The following CCT4 variants were observed in gnomAD, a reference collection of about 807,000 sequenced individuals.
The protein encoded by CCT4 is T-complex protein 1 subunit delta.
A neutral mutation model predicts 62.5 loss-of-function variants in CCT4; 17 were observed. That is an observed-to-expected ratio of 0.27 (90% CI 0.19 to 0.41). The LOEUF is 0.41. CCT4 is among the 10% of genes least tolerant of loss of function. The probability of loss-of-function intolerance (pLI) is 1.00; values close to 1 mark genes in which losing one functional copy is unlikely to be tolerated. For missense variants in CCT4, 592 were observed against 659.2 expected (o/e 0.90, Z 1.12); for synonymous variants, 250 against 229.9 (o/e 1.09, Z -0.79).
chr2:61,879,277 T>TTTTTC (rs397792406), intron 4 of CCT4, among the ~76,000 whole-genome samples: 1 of 144,882 alleles, frequency 6.9e-6, no homozygotes, highest in African/African-American at 2.7e-5. Flanking sequence ...TTTTTTTTTT[T>TTTTTC]CTGAGACAGG....
Position 61,888,566 on chromosome 2 carries a change from C to T in CCT4, c.-59G>A, listed in dbSNP as rs1047994051. 7.6e-6 allele frequency: 12 copies of T among 1,577,702 alleles called. No homozygotes were observed. Among genetic ancestry groups the T allele is most frequent in the African/African-American group, 2.7e-5 (2 of 74,192 alleles). On this transcript the variant is annotated 5_prime_UTR_variant, in exon 1 of 14. Coordinates refer to ENST00000394440, the MANE Select transcript of CCT4 (RefSeq NM_006430.4). ...AGGACGGATGGACCCGGATTCTGGCCGGCCGCAGTGTAATAACGGTAAGCC... is the reference window on the plus strand; with the variant it reads ...AGGACGGATGGACCCGGATTCTGGCTGGCCGCAGTGTAATAACGGTAAGCC...
At chr2:61,870,979 GA>G (rs70946766) in intron 12 of CCT4, among the ~76,000 whole-genome samples, 145,523 of 148,800 alleles carry the variant, frequency 0.98, 71,168 homozygotes, top group East Asian at 1. Flanking sequence ...CTACGGGAAG[GA>G]AAAAAAAAAT....
At chr2:61,888,206 T>C in intron 1 of CCT4, 175 bp downstream of exon 1, 1 of 744,426 alleles carries the variant, frequency 1.3e-6, no homozygotes, top group Non-Finnish European at 2.1e-6. Context: ...TACTCCGGGT[T>C]GGCGATCATC....
intron 5 of CCT4, 73 bp downstream of exon 5, chr2:61,878,796 C>G: frequency 1.0e-6 from 1 of 978,594 alleles, no homozygotes; most frequent in Non-Finnish European, 1.5e-6. Flanking sequence ...ATTTATGTAC[C>G]GTATAGCATC....
chr2:61,885,522 C>T (rs886791420), intron 1 of CCT4, among the ~76,000 whole-genome samples: 2 of 151,980 alleles, frequency 1.3e-5, no homozygotes, highest in African/African-American at 2.4e-5. Flanking sequence ...GTGATTCTTC[C>T]GCCTCAGCCT....
At chr2:61,869,729 A>C (rs1668845556) in intron 12 of CCT4, among the ~76,000 whole-genome samples, 176 bp from the exon 13 acceptor site, 1 of 152,024 alleles carries the variant, frequency 6.6e-6, no homozygotes, top group African/African-American at 2.4e-5. Flanking sequence ...TTCAATTAAA[A>C]TTTGGAAAAA....
rs1232151384 is a variant in CCT4, at chr2:61,876,162, A to G, written c.850T>C (p.Leu284=). The G allele has an allele frequency of 1.2e-6, 2 of 1,608,272 alleles. No individual in the cohort carries two copies. The highest frequency in any genetic ancestry group is 1.7e-6 in the Non-Finnish European group (2 of 1,175,030). ...RVLREERAYI[L]NLVKQIKKTG... is the part of the protein sequence containing the mutation. ...TTTTTAATTTGCTTCACTAAATTTA[A>G]AATATAGGCTCTCTCTTCTCGCAGC... Residue 284 remains leucine (L), a synonymous_variant, in exon 8 of 14, where the codon TTA becomes CTA. Transcript: ENST00000394440.
At chr2:61,882,577 G>A (rs1362024432) in intron 3 of CCT4, among the ~76,000 whole-genome samples, 2 of 151,530 alleles carry the variant, frequency 1.3e-5, no homozygotes, top group Non-Finnish European at 2.9e-5. Flanking sequence ...GTGCAGTGGC[G>A]CAATCACAGC....
At position 61,888,426 on chromosome 2, in the gene CCT4, C is replaced by A. The variant is rs1342843558; in HGVS notation, c.82G>T (p.Asp28Tyr). Residue 28 changes from aspartate (D) to tyrosine (Y), a missense_variant, in exon 1 of 14, where the codon GAC becomes TAC. Transcript: ENST00000394440. ...GRGKGAYQDR[D>Y]KPAQIRFSNI... is the part of the protein sequence containing the mutation. Reference sequence around the variant, plus strand: ...CTGAAGCGGATCTGGGCTGGCTTGTCGCGGTCCTGATAGGCGCCTTTCCCG... The same window carrying A: ...CTGAAGCGGATCTGGGCTGGCTTGTAGCGGTCCTGATAGGCGCCTTTCCCG... 3 of 1,612,546 alleles carry A rather than the reference C, an allele frequency of 1.9e-6. No homozygotes were observed. The highest frequency in any genetic ancestry group is 2.7e-5 in the African/African-American group (2 of 74,852).
chr2:61,877,406 C>A lies in CCT4; in HGVS notation c.631G>T (p.Val211Phe). ...TSVDLRDIKIVKKLGGTIDDC... is the reference protein window; with the variant it reads ...TSVDLRDIKIFKKLGGTIDDC... ...AGAGATGCTTACCCAAGCTTCTTAACTATTTTAATATCTCTAAGATCTACA... is the reference window on the plus strand; with the variant it reads ...AGAGATGCTTACCCAAGCTTCTTAAATATTTTAATATCTCTAAGATCTACA... The change falls in exon 6 of 14, where the codon GTT becomes TTT. Residue 211 changes from valine (V) to phenylalanine (F), a missense_variant. Val to Phe is a conservative substitution (Grantham distance 50). Transcript: ENST00000394440. 1 of 1,420,820 alleles carries A rather than the reference C, an allele frequency of 7.0e-7. No homozygotes were observed. The highest frequency in any genetic ancestry group is 9.3e-7 in the Non-Finnish European group (1 of 1,077,860). The allele number at this position is 1,420,820 out of a possible 1,614,324, so 88.0% of individuals were successfully genotyped here. A position where few individuals can be genotyped will look rare whatever the true frequency, so the allele number is the denominator to read the frequency against.
intron 1 of CCT4, among the ~76,000 whole-genome samples, chr2:61,886,791 C>T (rs1232485359): frequency 6.7e-6 from 1 of 150,204 alleles, no homozygotes; most frequent in East Asian, 2.0e-4. Context: ...GACGGAGTTT[C>T]GCTCGTCACC....
At chr2:61,877,654 G>C (rs913953033) in intron 5 of CCT4, 140 bp from the exon 6 acceptor site, 1 of 583,226 alleles carries the variant, frequency 1.7e-6, no homozygotes, top group Admixed American at 3.6e-5. Context: ...CTCATGAGAA[G>C]ACAGTCCATA....
chr2:61,874,870 C>A (rs550359735), intron 8 of CCT4, among the ~76,000 whole-genome samples: 8 of 152,202 alleles, frequency 5.3e-5, no homozygotes, highest in Non-Finnish European at 1.0e-4. Flanking sequence ...TAGGGCCGGG[C>A]GTGGTGGCTC....
chr2:61,868,716 G>GA lies in CCT4; in HGVS notation c.1606-11dup. 1 of 1,574,272 alleles carries GA rather than the reference G, an allele frequency of 6.4e-7. No individual in the cohort carries two copies. The highest frequency in any genetic ancestry group is 8.7e-7 in the Non-Finnish European group (1 of 1,144,080). ...ATTATCGAGTGTTTACCTGATAAGA[G>GA]AAAAACTTAGATTTCAAAACCTGTA... On this transcript the variant is annotated splice_polypyrimidine_tract_variant and intron_variant, in intron 13 of 13. Transcript: ENST00000394440.
intron 3 of CCT4, 113 bp downstream of exon 3, chr2:61,883,346 G>A (rs1669157718): frequency 1.7e-6 from 1 of 582,620 alleles, no homozygotes; most frequent in African/African-American, 1.9e-5. Flanking sequence ...GAATCTGGGA[G>A]GCAGAGGTTG....
At chr2:61,885,402 G>A (rs139903335) in intron 1 of CCT4, among the ~76,000 whole-genome samples, 17 of 151,890 alleles carry the variant, frequency 1.1e-4, no homozygotes, top group African/African-American at 3.1e-4. Flanking sequence ...GTTAGTCAAC[G>A]TACACAGTAT....
At chr2:61,884,900 A>G (rs1357395528) in intron 2 of CCT4, 120 bp downstream of exon 2, 2 of 789,976 alleles carry the variant, frequency 2.5e-6, no homozygotes, top group Non-Finnish European at 4.1e-6. Context: ...TGCTGGGATT[A>G]TAGGTGTGAG....
At position 61,872,013 on chromosome 2, in the gene CCT4, C is replaced by T. The variant is rs947036297; in HGVS notation, c.1491+69G>A. 7.4e-6 allele frequency: 8 copies of T among 1,086,946 alleles called. No homozygotes were observed. In the African/African-American group the frequency reaches 1.1e-4, roughly 15 times the overall value. 67.3% of individuals were successfully genotyped at this position (1,086,946 alleles called of 1,614,324 possible). A position where few individuals can be genotyped will look rare whatever the true frequency, so the allele number is the denominator to read the frequency against. ...TTTCATTACAGAGCTTTCCATTCAA[C>T]AGATGACTACAAAGCTTTTAATATT... On this transcript the variant is annotated intron_variant, in intron 12 of 13. Transcript: ENST00000394440.
chr2:61,878,578 G>C (rs1267097610), intron 5 of CCT4, among the ~76,000 whole-genome samples: 1 of 152,174 alleles, frequency 6.6e-6, no homozygotes, highest in Non-Finnish European at 1.5e-5. Context: ...TGATTTGGTG[G>C]AGGAAAAGGT....
Sources: gnomAD v4.1 joint callset for allele counts (sites outside exome capture counted in the v4.1 genomes callset) on GRCh38, gnomAD v4.1.1 for gene constraint, MANE v1.5 for transcripts, NCBI Gene and HGNC (gene_info 2026-07-23, HGNC 2026-07-21) for gene names.